The following SNX7 variants were observed in gnomAD, a reference collection of about 807,000 sequenced individuals.
SNX7 encodes the protein sorting nexin 7.
SNX7 carries 35 observed loss-of-function variants against 48.4 expected under a neutral mutation model. The ratio of observed to expected loss-of-function variants is 0.72; its 90% CI spans 0.55 to 0.96. The LOEUF (loss-of-function observed/expected upper bound fraction) is 0.96. SNX7 is among the 40% of genes least tolerant of loss of function. The probability of loss-of-function intolerance (pLI) is 0.00; values close to 1 mark genes in which losing one functional copy is unlikely to be tolerated. For missense variants in SNX7, 553 were observed against 548.9 expected (o/e 1.01, Z -0.07); for synonymous variants, 190 against 190.2 (o/e 1.00, Z 0.01).
chr1:98,734,728 C>G (rs971155460), intron 7 of SNX7, among the ~76,000 whole-genome samples: 2 of 152,102 alleles, frequency 1.3e-5, no homozygotes, highest in Non-Finnish European at 2.9e-5. Flanking sequence ...CTTTGTGTGG[C>G]TAATTTCTAG....
chr1:98,673,958 A>G (rs1650019056), intron 1 of SNX7, among the ~76,000 whole-genome samples: 1 of 152,190 alleles, frequency 6.6e-6, no homozygotes, highest in Non-Finnish European at 1.5e-5. Flanking sequence ...GCCACTTTGA[A>G]TTTGTAGTGA....
intron 7 of SNX7, among the ~76,000 whole-genome samples, chr1:98,725,260 G>A (rs980130706): frequency 1.3e-5 from 2 of 152,078 alleles, no homozygotes; most frequent in Admixed American, 6.5e-5. Context: ...TGACTTTGGC[G>A]ATCCTTAGGC....
chr1:98,702,090 C>A (rs1651781250), intron 7 of SNX7, among the ~76,000 whole-genome samples, 187 bp downstream of exon 7: 1 of 152,050 alleles, frequency 6.6e-6, no homozygotes, highest in African/African-American at 2.4e-5. Flanking sequence ...AGTCTACAAG[C>A]TTAACAATGA....
At chr1:98,704,089 T>C (rs1651895845) in intron 7 of SNX7, among the ~76,000 whole-genome samples, 1 of 152,058 alleles carries the variant, frequency 6.6e-6, no homozygotes, top group African/African-American at 2.4e-5. Context: ...AAAAAACACA[T>C]TATTTTTCCA....
intron 7 of SNX7, among the ~76,000 whole-genome samples, chr1:98,708,292 G>T (rs1652118670): frequency 6.6e-6 from 1 of 152,004 alleles, no homozygotes; most frequent in African/African-American, 2.4e-5. Context: ...GATGAGAAAA[G>T]GCTTTTTTTC....
chr1:98,704,266 A>C (rs755794418), intron 7 of SNX7, among the ~76,000 whole-genome samples: 3 of 152,178 alleles, frequency 2.0e-5, no homozygotes, highest in Non-Finnish European at 4.4e-5. Flanking sequence ...AAAAATTTGA[A>C]ACTTTAATTA....
At chr1:98,750,400 C>T (rs1654524329) in intron 8 of SNX7, among the ~76,000 whole-genome samples, 1 of 151,796 alleles carries the variant, frequency 6.6e-6, no homozygotes, top group African/African-American at 2.4e-5. Flanking sequence ...TCAGTATCCT[C>T]ATCGATGAAG....
intron 8 of SNX7, among the ~76,000 whole-genome samples, chr1:98,739,879 C>T (rs1570596499): frequency 6.6e-6 from 1 of 152,208 alleles, no homozygotes; most frequent in Non-Finnish European, 1.5e-5. Flanking sequence ...AAATGGGAGC[C>T]ATTGAGTAGT....
At chr1:98,708,661 C>T (rs750577049) in intron 7 of SNX7, among the ~76,000 whole-genome samples, 64 of 152,258 alleles carry the variant, frequency 4.2e-4, no homozygotes, top group Middle Eastern at 6.8e-3. Context: ...CAGCTCCTCC[C>T]AGAAGAAAGT....
intron 1 of SNX7, among the ~76,000 whole-genome samples, 187 bp from the exon 2 acceptor site, chr1:98,684,698 A>C (rs1650689637): frequency 6.6e-6 from 1 of 152,130 alleles, no homozygotes; most frequent in African/African-American, 2.4e-5. Context: ...TTCTTTCTTT[A>C]CTGTCATCTT....
chr1:98,667,946 A>C (rs374506584), intron 1 of SNX7, among the ~76,000 whole-genome samples: 81 of 152,112 alleles, frequency 5.3e-4, no homozygotes, highest in African/African-American at 1.8e-3. Context: ...AACAAACAAA[A>C]AAAACAATAA....
chr1:98,715,049 A>T (rs926706041), intron 7 of SNX7, among the ~76,000 whole-genome samples: 2 of 152,164 alleles, frequency 1.3e-5, no homozygotes, highest in Non-Finnish European at 1.5e-5. Context: ...ATATTTTCCT[A>T]TATAACTATA....
intron 8 of SNX7, among the ~76,000 whole-genome samples, chr1:98,752,530 G>A (rs1426345729): frequency 6.6e-6 from 1 of 152,016 alleles, no homozygotes; most frequent in East Asian, 1.9e-4. Flanking sequence ...TCAGCAACAT[G>A]AATGGGGATC....
chr1:98,759,954 A>T (rs1364051850), intron 8 of SNX7, 100 bp from the exon 9 acceptor site: 1 of 741,602 alleles, frequency 1.3e-6, no homozygotes, highest in East Asian at 2.6e-5. Context: ...AGAAGAATAG[A>T]GCAGATTGCA....
intron 2 of SNX7, among the ~76,000 whole-genome samples, chr1:98,685,407 A>G (rs990862573): frequency 3.9e-5 from 6 of 152,298 alleles, no homozygotes; most frequent in East Asian, 3.9e-4. Context: ...AAATGCTTAA[A>G]CAGTTCGCAA....
intron 7 of SNX7, among the ~76,000 whole-genome samples, chr1:98,735,832 A>G (rs1653748218): frequency 6.6e-6 from 1 of 152,188 alleles, no homozygotes; most frequent in African/African-American, 2.4e-5. Flanking sequence ...CTTGTAAAAG[A>G]CAGAAGTGGG....
At chr1:98,689,307 T>A (rs1277856873) in intron 2 of SNX7, among the ~76,000 whole-genome samples, 1 of 152,194 alleles carries the variant, frequency 6.6e-6, no homozygotes, top group Non-Finnish European at 1.5e-5. Flanking sequence ...GTTTTCCTTA[T>A]CATATTCCTA....
At chr1:98,676,321 T>C (rs1292934276) in intron 1 of SNX7, among the ~76,000 whole-genome samples, 2 of 152,220 alleles carry the variant, frequency 1.3e-5, no homozygotes, top group South Asian at 2.1e-4. Context: ...CCCATAGAGA[T>C]ATAAAATGAT....
In SNX7 at chr1:98,760,078, C is replaced by T. The variant is rs1272980482; in HGVS notation, c.1303C>T (p.Leu435Phe). 1.2e-6 allele frequency: 2 copies of T among 1,608,372 alleles called. No individual in the cohort carries two copies. Among genetic ancestry groups the T allele is most frequent in the Non-Finnish European group, 1.7e-6 (2 of 1,175,230 alleles). The change falls in exon 9 of 9, where the codon CTT becomes TTT. Residue 435 changes from leucine to phenylalanine, a missense_variant. Physicochemically the swap from Leu to Phe is conservative, Grantham distance 22. Transcript: ENST00000306121. ...EQCLATWESF[L>F]TSQTNLHLEE... ...GTGCCTTGCTACGTGGGAGTCATTCCTTACATCACAGACCAACCTTCACTT... is the reference window on the plus strand; with the variant it reads ...GTGCCTTGCTACGTGGGAGTCATTCTTTACATCACAGACCAACCTTCACTT...
Sources: gnomAD v4.1 joint callset for allele counts (sites outside exome capture counted in the v4.1 genomes callset) on GRCh38, gnomAD v4.1.1 for gene constraint, MANE v1.5 for transcripts, NCBI Gene and HGNC (gene_info 2026-07-23, HGNC 2026-07-21) for gene names.